Variants in FAM13A observed in about 807,000 individuals in gnomAD.
FAM13A encodes the protein protein FAM13A.
In FAM13A, 76 loss-of-function variants were observed where a neutral mutation model predicts 129.6. That is an observed-to-expected ratio of 0.59 (90% confidence interval 0.49 to 0.71). The LOEUF is 0.71. FAM13A is among the 30% of genes least tolerant of loss of function. The pLI, the probability that FAM13A is intolerant of heterozygous loss-of-function variation, is 0.00. For synonymous variants in FAM13A, 443 were observed against 449.9 expected, an observed-to-expected ratio of 0.98 and a Z score of 0.20; for missense variants, 1,108 against 1,249.3, an observed-to-expected ratio of 0.89 and a Z score of 1.70.
At chr4:88,893,616 C>CT (rs2150174607) in intron 6 of FAM13A, among the ~76,000 whole-genome samples, 1 of 139,818 alleles carries the variant, frequency 7.2e-6, no homozygotes, top group South Asian at 2.3e-4. Flanking sequence ...GAGCCAGACT[C>CT]TGTCTCAATG....
At chr4:88,978,094 A>G (rs1302337082) in intron 4 of FAM13A, among the ~76,000 whole-genome samples, 2 of 152,316 alleles carry the variant, frequency 1.3e-5, no homozygotes, top group East Asian at 1.9e-4. Context: ...TCTAATACCT[A>G]TAACTACCTC....
intron 5 of FAM13A, among the ~76,000 whole-genome samples, chr4:88,924,963 A>C (rs1249757251): frequency 5.9e-5 from 9 of 151,594 alleles, no homozygotes; most frequent in African/African-American, 2.2e-4. Flanking sequence ...AATGCTCATC[A>C]TCACTGGCCA....
At chr4:89,012,500 G>A (rs552971990) in intron 3 of FAM13A, among the ~76,000 whole-genome samples, 1 of 152,282 alleles carries the variant, frequency 6.6e-6, no homozygotes, top group South Asian at 2.1e-4. Flanking sequence ...AGAAGTCTTT[G>A]ATAAAAATCT....
At chr4:88,834,055 A>ATTTTTTTTTT (rs922832858) in intron 7 of FAM13A, among the ~76,000 whole-genome samples, 1 of 84,218 alleles carries the variant, frequency 1.2e-5, no homozygotes, top group Non-Finnish European at 2.4e-5. Flanking sequence ...AGGCCTGGCT[A>ATTTTTTTTTT]TTTTTTTTTT....
intron 5 of FAM13A, among the ~76,000 whole-genome samples, chr4:88,917,355 G>A (rs138736221): frequency 6.6e-6 from 1 of 152,126 alleles, no homozygotes; most frequent in East Asian, 1.9e-4. Flanking sequence ...CCAAGGGAGG[G>A]CATTAATCTA....
chr4:88,919,899 G>A (rs149062428), intron 5 of FAM13A, among the ~76,000 whole-genome samples: 1,745 of 152,298 alleles, frequency 0.011, 37 homozygotes, highest in African/African-American at 0.038. Flanking sequence ...AGATTATATC[G>A]CGCACATGGC....
chr4:89,001,220 C>A (rs1290017203), intron 3 of FAM13A, among the ~76,000 whole-genome samples: 1 of 152,222 alleles, frequency 6.6e-6, no homozygotes. Flanking sequence ...TGGATGAGAG[C>A]AGTCCAATTG....
chr4:88,887,686 A>G (rs529855172), intron 6 of FAM13A, among the ~76,000 whole-genome samples: 1 of 152,034 alleles, frequency 6.6e-6, no homozygotes, highest in African/African-American at 2.4e-5. Context: ...GCGTGCCACC[A>G]TGCCCAGCTA....
At chr4:88,881,603 C>G (rs1027705124) in intron 6 of FAM13A, among the ~76,000 whole-genome samples, 3 of 151,978 alleles carry the variant, frequency 2.0e-5, no homozygotes, top group Non-Finnish European at 4.4e-5. Context: ...GCTAGCTCAC[C>G]AGGAATTGAT....
chr4:88,851,232 A>G (rs766923291), intron 6 of FAM13A, 49 bp from the exon 7 acceptor site: 1 of 1,457,572 alleles, frequency 6.9e-7, no homozygotes, highest in South Asian at 1.4e-5. Context: ...TAAATGTTAA[A>G]GTCTTTCAAA....
chr4:88,968,323 A>T (rs1218438029), intron 4 of FAM13A, among the ~76,000 whole-genome samples: 1 of 152,210 alleles, frequency 6.6e-6, no homozygotes, highest in Non-Finnish European at 1.5e-5. Flanking sequence ...ACTTTGCAAC[A>T]CTTATGTTCT....
intron 4 of FAM13A, among the ~76,000 whole-genome samples, chr4:88,975,055 A>T (rs1013508838): frequency 6.6e-6 from 1 of 152,230 alleles, no homozygotes; most frequent in East Asian, 1.9e-4. Context: ...AATTTAATAC[A>T]TTTACCAAAT....
intron 9 of FAM13A, among the ~76,000 whole-genome samples, chr4:88,789,765 T>C (rs757901499): frequency 6.6e-6 from 1 of 152,050 alleles, no homozygotes; most frequent in Non-Finnish European, 1.5e-5. Flanking sequence ...CAAGTGAATA[T>C]GGGTAGTTAG....
chr4:88,909,202 T>A (rs1371543660), intron 5 of FAM13A, among the ~76,000 whole-genome samples: 1 of 152,128 alleles, frequency 6.6e-6, no homozygotes, highest in Non-Finnish European at 1.5e-5. Flanking sequence ...CAAATGCCCA[T>A]TAATTGATGA....
chr4:88,864,109 GA>G (rs1739981012), intron 6 of FAM13A, among the ~76,000 whole-genome samples: 1 of 152,206 alleles, frequency 6.6e-6, no homozygotes, highest in South Asian at 2.1e-4. Context: ...TTAGAATCTA[GA>G]TATGTGACAC....
At chr4:88,877,651 ACTGT>A (rs1181225991) in intron 6 of FAM13A, among the ~76,000 whole-genome samples, 1 of 152,204 alleles carries the variant, frequency 6.6e-6, no homozygotes, top group East Asian at 1.9e-4. Context: ...TCTTTCCTCT[ACTGT>A]CTATTTTTGG....
rs74849444 is a variant in FAM13A at position 88,835,167 on chromosome 4, A to G, written c.1007+15853T>C. Among the ~76,000 whole-genome samples, 215 of 152,294 alleles carry G rather than the reference A, an allele frequency of 1.4e-3. 2 individuals carry two copies. Among genetic ancestry groups the G allele is most frequent in the African/African-American group, 4.6e-3 (193 of 41,568 alleles). On this transcript the variant is annotated intron_variant, in intron 7 of 23. Transcript: ENST00000264344. ...AGACACATACATGGACTGGGGGCCC[A>G]GCTGAATGAACCACTTTGCCCCCTA...
At chr4:88,838,755 A>C (rs573154980) in intron 7 of FAM13A, among the ~76,000 whole-genome samples, 1 of 152,056 alleles carries the variant, frequency 6.6e-6, no homozygotes, top group African/African-American at 2.4e-5. Context: ...GAAAAAGAAA[A>C]TACACATTTT....
intron 6 of FAM13A, among the ~76,000 whole-genome samples, chr4:88,890,405 T>C (rs1193460369): frequency 6.6e-6 from 1 of 152,200 alleles, no homozygotes; most frequent in African/African-American, 2.4e-5. Flanking sequence ...AGTACTGATC[T>C]AGAGACTCTC....
Sources: allele counts gnomAD v4.1 joint callset (sites outside exome capture counted in the v4.1 genomes callset), GRCh38; gene constraint gnomAD v4.1.1; transcripts MANE v1.5; gene names NCBI Gene and HGNC (gene_info 2026-07-23, HGNC 2026-07-21).